ACRV1: variants seen among roughly 807,000 people sequenced by gnomAD.
ACRV1 encodes the protein acrosomal vesicle protein 1.
In ACRV1, 17 loss-of-function variants were observed where a neutral mutation model predicts 29.2. The ratio of observed to expected loss-of-function variants is 0.58; its 90% CI spans 0.40 to 0.87. The LOEUF is 0.87. ACRV1 is among the 40% of genes least tolerant of loss of function. The pLI is 0.00. For synonymous variants in ACRV1, 98 were observed against 111.6 expected (o/e 0.88, Z 0.77); for missense variants, 294 against 316.0 (o/e 0.93, Z 0.53).
rs958470071 is a variant in ACRV1, at chr11:125,677,859, G to T, written c.491C>A (p.Pro164His). 1.9e-6 allele frequency: 3 copies of T among 1,614,044 alleles called. No homozygotes were observed. The Admixed American group carries it at 5.0e-5, about 27-fold the overall frequency. ...PSGEQASGEQPSGEHASGEQA... is the reference protein window; with the variant it reads ...PSGEQASGEQHSGEHASGEQA... ...TTCCCCTGAAGCGTGCTCACCTGAAGGCTGTTCACCCGAGGCCTGCTCACC... is the reference window on the plus strand; with the variant it reads ...TTCCCCTGAAGCGTGCTCACCTGAATGCTGTTCACCCGAGGCCTGCTCACC... Residue 164 changes from proline (P) to histidine (H), a missense_variant, in exon 2 of 4, where the codon CCT becomes CAT. Pro to His is a moderately conservative substitution (Grantham distance 77, BLOSUM62 -2). Transcript: ENST00000533904.
chr11:125,673,433 C>T (rs1942312216), intron 3 of ACRV1, among the ~76,000 whole-genome samples: 1 of 151,476 alleles, frequency 6.6e-6, no homozygotes, highest in Admixed American at 6.6e-5. Flanking sequence ...GATCTCCTGA[C>T]CTTGTGATCC....
Position 125,680,831 on chromosome 11 carries a change from G to T in ACRV1, c.-51C>A. ...CAGTGTGGGCCACAGCTTCTTCACAGAGCTATGAAGCAAACTGCGAGCAAA... is the reference window on the plus strand; with the variant it reads ...CAGTGTGGGCCACAGCTTCTTCACATAGCTATGAAGCAAACTGCGAGCAAA... On this transcript the variant is annotated 5_prime_UTR_variant, in exon 1 of 4. In the 5' UTR this introduces an upstream ATG that the reference lacks. Transcript: ENST00000533904. 6.7e-7 allele frequency: 1 copy of T among 1,499,104 alleles called. No individual in the cohort carries two copies. The allele number at this position is 1,499,104 out of a possible 1,614,324, so 92.9% of individuals were successfully genotyped here.
In ACRV1 at chr11:125,677,987, ACCTGAAGGCTGTTCT is replaced by A. The variant is rs764438507; in HGVS notation, c.348_362del (p.Gln118_Glu122del). ...AAGGCTGTTCTCCGGAGAGGTGTTC[ACCTGAAGGCTGTTCT>A]CCTGAAGGCTGCTCACCTACAGTAT... On this transcript the variant is annotated inframe_deletion, in exon 2 of 4. Coordinates refer to ENST00000533904, the MANE Select transcript of ACRV1 (RefSeq NM_001612.6). 9.9e-5 allele frequency: 160 copies of A among 1,613,736 alleles called. No individual in the cohort carries two copies. In the Admixed American group the frequency reaches 2.2e-3, roughly 22 times the overall value.
At position 125,679,216 on chromosome 11, in the gene ACRV1, C is replaced by CTTTTTTTTTTTTTTTTT. The variant is rs71045115; in HGVS notation, c.53-920_53-919insAAAAAAAAAAAAAAAAA. ...TCTTCTACCTTTAATCCGTCTCTTT[C>CTTTTTTTTTTTTTTTTT]TTTTTTTTTTTTTGTTTCAAAGATA... On this transcript the variant is annotated intron_variant, in intron 1 of 3. Transcript: ENST00000533904. 2.4e-3 allele frequency among the ~76,000 whole-genome samples: 287 copies of CTTTTTTTTTTTTTTTTT among 120,954 alleles called. 5 individuals carry two copies. The highest frequency in any genetic ancestry group is 5.0e-3 in the African/African-American group (158 of 31,568). The allele number at this position is 120,954 out of a possible 152,430, so 79.4% of individuals were successfully genotyped here.
At chr11:125,677,230 G>A (rs1199965448) in intron 2 of ACRV1, among the ~76,000 whole-genome samples, 1 of 152,170 alleles carries the variant, frequency 6.6e-6, no homozygotes, top group Non-Finnish European at 1.5e-5. Flanking sequence ...AATAACTTGA[G>A]GCATCAAACT....
rs1942757646 is a variant in ACRV1, at chr11:125,680,704, C to A, written c.52+25G>T. ...TTAAGGGAGACCCCTTTTGTATTTA[C>A]CTGAAGCCTAGATCAAACACTCACC... is the stretch of plus-strand genomic sequence containing the variant. On this transcript the variant is annotated intron_variant, in intron 1 of 3. Transcript: ENST00000533904. 3.7e-6 allele frequency: 6 copies of A among 1,607,258 alleles called. No homozygotes were observed. In the East Asian group the frequency reaches 8.9e-5, roughly 24 times the overall value.
intron 2 of ACRV1, 124 bp downstream of exon 2, chr11:125,677,673 G>T: frequency 7.7e-7 from 1 of 1,305,314 alleles, no homozygotes; most frequent in Non-Finnish European, 1.1e-6. Context: ...GACTTTGAGA[G>T]AGCTGTTTGT....
At position 125,672,517 on chromosome 11, in the gene ACRV1, C is replaced by G. The variant is rs916009382; in HGVS notation, c.*76G>C. The G allele has an allele frequency of 2.6e-5, 40 of 1,565,764 alleles. No homozygotes were observed. The highest frequency in any genetic ancestry group is 7.1e-5 in the Admixed American group (4 of 56,354). On this transcript the variant is annotated 3_prime_UTR_variant, in exon 4 of 4. Coordinates refer to ENST00000533904, the MANE Select transcript of ACRV1 (RefSeq NM_001612.6). ...GGTCAGTTGTTGACTGGGGAAGGAA[C>G]TAAATATAAAATGAGCCAAATAGAG...
chr11:125,671,818 C>G lies in ACRV1; in HGVS notation c.*775G>C, dbSNP rs551493764. 6.6e-6 allele frequency: 1 copy of G among 152,316 alleles called. No individual in the cohort carries two copies. The highest frequency in any genetic ancestry group is 2.4e-5 in the African/African-American group (1 of 41,562). 9.4% of individuals were successfully genotyped at this position (152,316 alleles called of 1,614,324 possible). ...TCCTGTCTACCACTCTGGGATCTTT[C>G]CTGAGGATCAGATGAGACCGTGTAT... On this transcript the variant is annotated 3_prime_UTR_variant, in exon 4 of 4. Transcript: ENST00000533904.
chr11:125,678,695 T>G (rs964032426), intron 1 of ACRV1, among the ~76,000 whole-genome samples: 4 of 151,836 alleles, frequency 2.6e-5, no homozygotes, highest in Middle Eastern at 3.2e-3. Context: ...CTCCCATTCC[T>G]CTATGGGTGA....
intron 3 of ACRV1, among the ~76,000 whole-genome samples, chr11:125,674,171 C>CTATG (rs1484339292): frequency 6.6e-6 from 1 of 152,050 alleles, no homozygotes; most frequent in East Asian, 1.9e-4. Flanking sequence ...TAGTAAGGAA[C>CTATG]TATGCTAGAC....
At chr11:125,674,830 C>CT (rs893619137) in intron 3 of ACRV1, among the ~76,000 whole-genome samples, 1 of 152,180 alleles carries the variant, frequency 6.6e-6, no homozygotes, top group Non-Finnish European at 1.5e-5. Flanking sequence ...AATTCAAACT[C>CT]TTTTTAACTG....
At chr11:125,679,216 C>CTTTTTCTTTT (rs1555078742) in intron 1 of ACRV1, among the ~76,000 whole-genome samples, 3 of 121,038 alleles carry the variant, frequency 2.5e-5, no homozygotes, top group Non-Finnish European at 3.3e-5. Flanking sequence ...CCGTCTCTTT[C>CTTTTTCTTTT]TTTTTTTTTT....
At chr11:125,674,368 A>G (rs1942379004) in intron 3 of ACRV1, among the ~76,000 whole-genome samples, 1 of 152,240 alleles carries the variant, frequency 6.6e-6, no homozygotes, top group Non-Finnish European at 1.5e-5. Flanking sequence ...AGTGAGACTG[A>G]ACTAAGCTAT....
chr11:125,675,263 G>A (rs1186724024), intron 3 of ACRV1, among the ~76,000 whole-genome samples: 2 of 152,154 alleles, frequency 1.3e-5, no homozygotes, highest in Non-Finnish European at 2.9e-5. Context: ...ATACTTCTCT[G>A]CACCTCTAAT....
chr11:125,677,115 C>G (rs1942547889), intron 2 of ACRV1, among the ~76,000 whole-genome samples: 1 of 152,202 alleles, frequency 6.6e-6, no homozygotes, highest in African/African-American at 2.4e-5. Flanking sequence ...TTGCCACTTT[C>G]TAGCCATGTG....
intron 2 of ACRV1, among the ~76,000 whole-genome samples, chr11:125,676,881 C>T (rs1354723698): frequency 3.9e-5 from 6 of 152,094 alleles, no homozygotes; most frequent in Non-Finnish European, 8.8e-5. Flanking sequence ...CATATTTGAC[C>T]GATTAATAAG....
rs987975032 is a variant in ACRV1 at position 125,675,139 on chromosome 11, A to G, written c.673+1220T>C. Among the ~76,000 whole-genome samples the G allele has an allele frequency of 5.9e-4, 90 of 152,346 alleles. 1 individual carries two copies. The highest frequency in any genetic ancestry group is 2.0e-3 in the African/African-American group (83 of 41,582). On this transcript the variant is annotated intron_variant, in intron 3 of 3. Coordinates refer to ENST00000533904, the MANE Select transcript of ACRV1 (RefSeq NM_001612.6). ...TTAATTGCTTTGGTGCAACCTGAAC[A>G]TTAGGATTTTTTAAAGTTGCTCAGG...
intron 3 of ACRV1, among the ~76,000 whole-genome samples, chr11:125,673,880 C>A (rs548421111): frequency 1.3e-5 from 2 of 152,070 alleles, no homozygotes; most frequent in Admixed American, 1.3e-4. Flanking sequence ...AACATTTGGC[C>A]GGGCACAGTG....
Sources: gnomAD v4.1 joint callset for allele counts (sites outside exome capture counted in the v4.1 genomes callset) on GRCh38, gnomAD v4.1.1 for gene constraint, MANE v1.5 for transcripts, NCBI Gene and HGNC (gene_info 2026-07-23, HGNC 2026-07-21) for gene names.